The following DPP10 variants were observed in gnomAD, a reference collection of about 807,000 sequenced individuals.
DPP10 encodes the protein dipeptidyl peptidase like 10, also known as inactive dipeptidyl peptidase 10.
A neutral mutation model predicts 120.9 loss-of-function variants in DPP10; 33 were observed. The observed-to-expected ratio is 0.27, with a 90% CI of 0.21 to 0.37. DPP10 has a LOEUF of 0.37. Ranked by LOEUF, DPP10 falls within the 10% of genes least tolerant of loss-of-function variation. The probability of loss-of-function intolerance (pLI) is 1.00; values close to 1 mark genes in which losing one functional copy is unlikely to be tolerated. For missense variants in DPP10, 816 were observed against 942.8 expected (o/e 0.87, Z 1.76); for synonymous variants, 337 against 326.1 (o/e 1.03, Z -0.36).
chr2:115,796,566 C>T (rs915252808), intron 19 of DPP10, among the ~76,000 whole-genome samples: 25 of 152,198 alleles, frequency 1.6e-4, no homozygotes, highest in African/African-American at 5.8e-4. Context: ...GTCCATTTCT[C>T]TGCAATTTAG....
chr2:114,859,087 G>A (rs900361817), intron 1 of DPP10, among the ~76,000 whole-genome samples: 1 of 151,962 alleles, frequency 6.6e-6, no homozygotes, highest in African/African-American at 2.4e-5. Flanking sequence ...AGCACTTTGG[G>A]AGACTAAGGT....
At chr2:115,726,401 T>G (rs1350733634) in intron 7 of DPP10, among the ~76,000 whole-genome samples, 1 of 152,126 alleles carries the variant, frequency 6.6e-6, no homozygotes, top group East Asian at 1.9e-4. Flanking sequence ...ATTCATCATC[T>G]CATTTACTCT....
intron 17 of DPP10, among the ~76,000 whole-genome samples, chr2:115,786,635 A>C (rs1024434301): frequency 6.6e-6 from 1 of 152,170 alleles, no homozygotes; most frequent in Non-Finnish European, 1.5e-5. Context: ...TAGTGTTGTA[A>C]GTTCTCTGGC....
At chr2:115,089,229 C>T (rs964538926) in intron 1 of DPP10, among the ~76,000 whole-genome samples, 3 of 152,090 alleles carry the variant, frequency 2.0e-5, no homozygotes, top group Non-Finnish European at 4.4e-5. Context: ...TTGATCATTT[C>T]TTTCTAATAT....
At chr2:115,167,600 G>T (rs577079331) in intron 1 of DPP10, among the ~76,000 whole-genome samples, 3 of 116,424 alleles carry the variant, frequency 2.6e-5, no homozygotes, top group Admixed American at 1.0e-4. Context: ...GAACGAGACC[G>T]TCTCAAAAAA....
intron 1 of DPP10, among the ~76,000 whole-genome samples, chr2:114,628,706 G>T (rs184344996): frequency 6.6e-6 from 1 of 152,008 alleles, no homozygotes; most frequent in African/African-American, 2.4e-5. Context: ...TCTGAACGGC[G>T]GGGGAAAGCT....
intron 1 of DPP10, among the ~76,000 whole-genome samples, chr2:114,558,607 G>A (rs1345396671): frequency 6.6e-6 from 1 of 152,162 alleles, no homozygotes; most frequent in Non-Finnish European, 1.5e-5. Flanking sequence ...CTCCTCTAAA[G>A]CAGAAATTTT....
intron 1 of DPP10, among the ~76,000 whole-genome samples, chr2:114,676,391 G>A (rs965749207): frequency 2.6e-5 from 4 of 152,052 alleles, no homozygotes; most frequent in African/African-American, 7.2e-5. Context: ...TATTAAAAAC[G>A]AAAACTAGCA....
intron 1 of DPP10, among the ~76,000 whole-genome samples, chr2:115,107,902 G>T (rs114977438): frequency 0.015 from 2,339 of 152,030 alleles, 43 homozygotes; most frequent in African/African-American, 0.044. Context: ...TTTGTTTGAA[G>T]GGAAAAGACA....
rs183170056 is a variant in DPP10, at chr2:114,650,145, C to T, written c.60+207307C>T. ...TCTCTGTATTCCAGTTTGTGAAGTA[C>T]GGTGTTTTGATTGGTCACACCTGAG... On this transcript the variant is annotated intron_variant, in intron 1 of 25. Transcript: ENST00000410059. Among the ~76,000 whole-genome samples the T allele has an allele frequency of 3.2e-4, 49 of 152,220 alleles. No individual in the cohort carries two copies. In the East Asian group the frequency reaches 3.5e-3, roughly 11 times the overall value.
In DPP10 at chr2:114,958,674, A is replaced by T. The variant is rs182646593; in HGVS notation, c.61-350565A>T. ...CAATTATTATTTGTAAATTTAAAAAATTAAATTGTTTTGATGGTATATTAT... is the reference window on the plus strand; with the variant it reads ...CAATTATTATTTGTAAATTTAAAAATTTAAATTGTTTTGATGGTATATTAT... On this transcript the variant is annotated intron_variant, in intron 1 of 25. Transcript: ENST00000410059. 2.3e-3 allele frequency among the ~76,000 whole-genome samples: 349 copies of T among 152,336 alleles called. 1 individual carries two copies. The highest frequency in any genetic ancestry group is 8.1e-3 in the African/African-American group (335 of 41,570).
At chr2:115,562,652 A>G (rs190277758) in intron 5 of DPP10, among the ~76,000 whole-genome samples, 61 of 152,296 alleles carry the variant, frequency 4.0e-4, no homozygotes, top group Admixed American at 2.0e-3. Flanking sequence ...GTCTTTTTGA[A>G]TCATGCTTAT....
intron 5 of DPP10, among the ~76,000 whole-genome samples, chr2:115,616,371 G>A (rs1453729090): frequency 6.6e-6 from 1 of 151,716 alleles, no homozygotes. Flanking sequence ...AGAGAATGAA[G>A]CCTCGCAACC....
At chr2:115,703,644 TAAG>T (rs1232631839) in intron 7 of DPP10, among the ~76,000 whole-genome samples, 1 of 152,012 alleles carries the variant, frequency 6.6e-6, no homozygotes, top group African/African-American at 2.4e-5. Context: ...GCTGATTGGC[TAAG>T]GACCATCCAT....
intron 4 of DPP10, among the ~76,000 whole-genome samples, chr2:115,508,476 G>A (rs55959892): frequency 0.21 from 32,191 of 151,986 alleles, 3,881 homozygotes; most frequent in East Asian, 0.39. Flanking sequence ...TTATGACATA[G>A]AATAACTGCA....
intron 1 of DPP10, among the ~76,000 whole-genome samples, chr2:114,944,919 G>A (rs1423897098): frequency 3.3e-5 from 5 of 151,874 alleles, no homozygotes; most frequent in Admixed American, 2.6e-4. Flanking sequence ...AAACAGCTTA[G>A]AAATAGATCC....
chr2:115,720,424 A>G (rs1315182712), intron 7 of DPP10, among the ~76,000 whole-genome samples: 1 of 152,132 alleles, frequency 6.6e-6, no homozygotes, highest in Non-Finnish European at 1.5e-5. Context: ...CTTTTCTTCA[A>G]TATTCGATGA....
chr2:115,408,521 A>G (rs1172805427), intron 3 of DPP10, among the ~76,000 whole-genome samples: 1 of 152,144 alleles, frequency 6.6e-6, no homozygotes, highest in Non-Finnish European at 1.5e-5. Flanking sequence ...TAAAATATAC[A>G]TTACTTTCAG....
At chr2:114,943,325 G>A (rs1697105250) in intron 1 of DPP10, among the ~76,000 whole-genome samples, 1 of 152,092 alleles carries the variant, frequency 6.6e-6, no homozygotes, top group Non-Finnish European at 1.5e-5. Flanking sequence ...CCAGGCTGGA[G>A]TGCAATGGTG....
Sources: gnomAD v4.1 joint callset for allele counts (sites outside exome capture counted in the v4.1 genomes callset) on GRCh38, gnomAD v4.1.1 for gene constraint, MANE v1.5 for transcripts, NCBI Gene and HGNC (gene_info 2026-07-23, HGNC 2026-07-21) for gene names.